GRIN1: variants seen among roughly 807,000 people sequenced by gnomAD.
GRIN1 encodes the protein glutamate receptor ionotropic, NMDA 1.
GRIN1 carries 38 observed loss-of-function variants against 103.0 expected under a neutral mutation model. The observed-to-expected ratio is 0.37, with a 90% CI of 0.28 to 0.48. The LOEUF (loss-of-function observed/expected upper bound fraction) is 0.48, where lower values mean the gene tolerates loss of function less well. Ranked by LOEUF, GRIN1 falls within the 20% of genes least tolerant of loss-of-function variation. GRIN1 has a pLI of 0.98. For synonymous variants in GRIN1, 544 were observed against 532.7 expected (o/e 1.02, Z -0.29); for missense variants, 577 against 1,288.9 (o/e 0.45, Z 8.46).
chr9:137,161,174 C>T lies in GRIN1; in HGVS notation c.1316C>T (p.Pro439Leu). ...GTCAAGAAGGTGATCTGCACCGGGC[C>T]CAACGACACGTCGCCGGGCAGCCGT... ...DPVKKVICTG[P>L]NDTSPGSPRH... The change falls in exon 9 of 20, where the codon CCC (proline) becomes CTC (leucine). Residue 439 changes from proline (P) to leucine (L), a missense_variant. This residue lies in a region of GRIN1 where 96 missense variants were observed against 145.0 expected (regional missense o/e 0.66). Coordinates refer to ENST00000371561, the MANE Select transcript of GRIN1 (RefSeq NM_007327.4). 6.2e-7 allele frequency: 1 copy of T among 1,611,760 alleles called. No homozygotes were observed. The highest frequency in any genetic ancestry group is 8.5e-7 in the Non-Finnish European group (1 of 1,179,584).
intron 4 of GRIN1, among the ~76,000 whole-genome samples, chr9:137,152,881 T>G (rs1020282179): frequency 4.6e-5 from 7 of 151,908 alleles, no homozygotes; most frequent in African/African-American, 1.7e-4. Flanking sequence ...TGCAGAATCA[T>G]GTACAGGTCA....
rs1249614078 is a variant in GRIN1, at chr9:137,142,114, G to A, written c.360G>A (p.Gly120=). 50 of 1,614,078 alleles carry A rather than the reference G, an allele frequency of 3.1e-5. No homozygotes were observed. Among genetic ancestry groups the A allele is most frequent in the Non-Finnish European group, 4.1e-5 (48 of 1,180,054 alleles). The change falls in exon 2 of 20, where the codon GGG becomes GGA. Residue 120 remains glycine, a synonymous_variant. Transcript: ENST00000371561. ...TAGFYRIPVL[G]LTTRMSIYSD... ...GCTTCTACCGCATACCCGTGCTGGGGCTGACCACCCGCATGTCCATCTACT... is the reference window on the plus strand; with the variant it reads ...GCTTCTACCGCATACCCGTGCTGGGACTGACCACCCGCATGTCCATCTACT...
rs527709893 is a variant in GRIN1 at position 137,161,103 on chromosome 9, G to A, written c.1245G>A (p.Leu415=). The A allele has an allele frequency of 3.7e-6, 6 of 1,612,980 alleles. No homozygotes were observed. In the Admixed American group the frequency reaches 6.7e-5, roughly 18 times the overall value. The stretch of plus-strand genomic sequence containing the variant: ...CCTTCGTGTACGTCAAGCCCACGCT[G>A]AGTGATGGGACATGCAAGGAGGAGT... ...QEPFVYVKPT[L]SDGTCKEEFT... Residue 415 remains leucine (L), a synonymous_variant, in exon 9 of 20, where the codon CTG becomes CTA. Coordinates refer to ENST00000371561, the MANE Select transcript of GRIN1 (RefSeq NM_007327.4).
chr9:137,148,867 G>A (rs1051841586), intron 3 of GRIN1, 142 bp from the exon 4 acceptor site: 18 of 697,982 alleles, frequency 2.6e-5, no homozygotes, highest in South Asian at 6.1e-5. Context: ...GAAGGCAGGC[G>A]GAGGCGCAGG....
In GRIN1 at chr9:137,167,884, G is replaced by A; in HGVS notation, c.*357G>A. On this transcript the variant is annotated 3_prime_UTR_variant, in exon 20 of 20. Coordinates refer to ENST00000371561, the MANE Select transcript of GRIN1 (RefSeq NM_007327.4). ...CACCTGCCCAGTTAGCCCGGCCAAG[G>A]ACACTGATGGGTCCTGCTGCTCGGG... is the stretch of plus-strand genomic sequence containing the variant. 6.4e-7 allele frequency: 1 copy of A among 1,555,180 alleles called. No individual in the cohort carries two copies. Among genetic ancestry groups the A allele is most frequent in the Non-Finnish European group, 8.8e-7 (1 of 1,130,212 alleles).
At chr9:137,144,588 G>C (rs1015708058) in intron 2 of GRIN1, among the ~76,000 whole-genome samples, 24 of 151,240 alleles carry the variant, frequency 1.6e-4, no homozygotes, top group African/African-American at 5.4e-4. Flanking sequence ...CCAGGAGGCG[G>C]AGCCTGCAGT....
intron 8 of GRIN1, 93 bp from the exon 9 acceptor site, chr9:137,160,963 G>A (rs1346836178): frequency 1.3e-6 from 2 of 1,522,466 alleles, no homozygotes; most frequent in Admixed American, 1.8e-5. Context: ...GGGATTAAGA[G>A]GGGCGCCAGG....
At chr9:137,151,650 A>T (rs550827826) in intron 4 of GRIN1, among the ~76,000 whole-genome samples, 161 of 152,274 alleles carry the variant, frequency 1.1e-3, no homozygotes, top group African/African-American at 3.6e-3. Flanking sequence ...GCCCCGCCAG[A>T]CTCTCAGAAG....
At chr9:137,141,714 C>T (rs1832172575) in intron 1 of GRIN1, among the ~76,000 whole-genome samples, 1 of 152,176 alleles carries the variant, frequency 6.6e-6, no homozygotes, top group Non-Finnish European at 1.5e-5. Flanking sequence ...TGGGTGCGTC[C>T]CGTGCTCCAG....
At chr9:137,143,361 C>G (rs1832278983) in intron 2 of GRIN1, among the ~76,000 whole-genome samples, 4 of 152,252 alleles carry the variant, frequency 2.6e-5, no homozygotes, top group Admixed American at 2.6e-4. Flanking sequence ...CCCCTCGGCA[C>G]CCAAACTGCT....
chr9:137,163,476 G>GGCCCCC, intron 16 of GRIN1, 83 bp from the exon 17 acceptor site: 14 of 1,338,012 alleles, frequency 1.0e-5, no homozygotes, highest in Non-Finnish European at 1.4e-5. Context: ...TACCCCGCAG[G>GGCCCCC]CCCCGCCCCG....
chr9:137,145,976 C>A, intron 3 of GRIN1, 74 bp downstream of exon 3: 1 of 1,073,006 alleles, frequency 9.3e-7, no homozygotes, highest in Non-Finnish European at 1.4e-6. Flanking sequence ...TCTGTGGCTC[C>A]GTGTGTGACA....
At position 137,167,847 on chromosome 9, in the gene GRIN1, C is replaced by G; in HGVS notation, c.*320C>G. 6.2e-7 allele frequency: 1 copy of G among 1,611,400 alleles called. No homozygotes were observed. Among genetic ancestry groups the G allele is most frequent in the Non-Finnish European group, 8.5e-7 (1 of 1,179,134 alleles). On this transcript the variant is annotated 3_prime_UTR_variant, in exon 20 of 20. Coordinates refer to ENST00000371561, the MANE Select transcript of GRIN1 (RefSeq NM_007327.4). ...TCGGTCAGCACCGTGGTGTGAGGCC[C>G]CCGGAGGCGCCCACCTGCCCAGTTA...
At chr9:137,159,463 C>T (rs1833411588) in intron 8 of GRIN1, among the ~76,000 whole-genome samples, 1 of 152,184 alleles carries the variant, frequency 6.6e-6, no homozygotes, top group African/African-American at 2.4e-5. Flanking sequence ...GGCTCCCTCC[C>T]CTGCTCTGCA....
At chr9:137,154,263 T>TA (rs1468980450) in intron 4 of GRIN1, among the ~76,000 whole-genome samples, 1 of 149,904 alleles carries the variant, frequency 6.7e-6, no homozygotes, top group African/African-American at 2.5e-5. Flanking sequence ...TAGCTGGAAT[T>TA]ACAGGTGCAG....
intron 3 of GRIN1, among the ~76,000 whole-genome samples, chr9:137,147,283 T>G (rs988255810): frequency 6.6e-6 from 1 of 151,042 alleles, no homozygotes; most frequent in Non-Finnish European, 1.5e-5. Context: ...TCAGGTGCGC[T>G]CCTCACACAC....
intron 4 of GRIN1, among the ~76,000 whole-genome samples, chr9:137,155,836 G>A (rs1833185632): frequency 6.6e-6 from 1 of 152,266 alleles, no homozygotes; most frequent in South Asian, 2.1e-4. Flanking sequence ...TGCCTGCAAG[G>A]TGAGGCCTGT....
rs138380793 is a variant in GRIN1, at chr9:137,151,899, CTTTTTT to C, written c.671+2806_671+2811del. 4.3e-3 allele frequency among the ~76,000 whole-genome samples: 403 copies of C among 93,484 alleles called. 4 individuals carry two copies. The highest frequency in any genetic ancestry group is 0.018 in the Middle Eastern group (2 of 110). 61.3% of individuals were successfully genotyped at this position (93,484 alleles called of 152,430 possible). ...CAGACTGGTCTCGAACTTGTGGCCT[CTTTTTT>C]TTTTTTTTTTTTTTTCTTTGAGATG... is the stretch of plus-strand genomic sequence containing the variant. On this transcript the variant is annotated intron_variant, in intron 4 of 19. Transcript: ENST00000371561.
intron 4 of GRIN1, among the ~76,000 whole-genome samples, chr9:137,154,804 C>G (rs1032715229): frequency 6.6e-6 from 1 of 152,172 alleles, no homozygotes; most frequent in Admixed American, 6.5e-5. Flanking sequence ...AAAGGACCCT[C>G]CTCTCACATG....
Sources: gnomAD v4.1 joint callset for allele counts (sites outside exome capture counted in the v4.1 genomes callset) on GRCh38, gnomAD v4.1.1 for gene constraint, gnomAD v4.1.1 regional missense constraint, MANE v1.5 for transcripts, NCBI Gene and HGNC (gene_info 2026-07-23, HGNC 2026-07-21) for gene names.